ARMC5: variants seen among roughly 807,000 people sequenced by gnomAD.
The protein encoded by ARMC5 is armadillo repeat-containing protein 5.
Under a neutral mutation model 60.5 loss-of-function variants are expected in ARMC5, and 28 were observed. That is an observed-to-expected ratio of 0.46 (90% confidence interval 0.34 to 0.63). The LOEUF (loss-of-function observed/expected upper bound fraction) is 0.63, where lower values mean the gene tolerates loss of function less well. Among genes scored for constraint, ARMC5 ranks in the 30% least tolerant of loss-of-function variants. The pLI is 0.01. For missense variants in ARMC5, 1,189 were observed against 1,304.9 expected, an observed-to-expected ratio of 0.91 and a Z score of 1.37; for synonymous variants, 680 against 607.3, an observed-to-expected ratio of 1.12 and a Z score of -1.76.
rs1436881568 is a variant in ARMC5 at position 31,466,406 on chromosome 16, G to A, written c.2325G>A (p.Arg775=). The change falls in exon 6 of 6, where the codon CGG becomes CGA. Residue 775 remains arginine, a synonymous_variant. Coordinates refer to ENST00000268314, the MANE Select transcript of ARMC5 (RefSeq NM_001105247.2). The surrounding 1 kb of genome is among the most constrained non-coding windows in gnomAD (Gnocchi z 8.0). The part of the protein sequence containing the change: ...AASATASPFF[R]ALLSGSFAEA... ...CAGCCACCGCCTCCCCTTTCTTCCGGGCCCTGCTGTCAGGCAGCTTTGCAG... is the reference window on the plus strand; with the variant it reads ...CAGCCACCGCCTCCCCTTTCTTCCGAGCCCTGCTGTCAGGCAGCTTTGCAG... 1 of 1,612,266 alleles carries A rather than the reference G, an allele frequency of 6.2e-7. No homozygotes were observed. The highest frequency in any genetic ancestry group is 1.7e-5 in the Admixed American group (1 of 60,004).
In ARMC5 at chr16:31,466,622, G is replaced by A. The variant is rs1173957569; in HGVS notation, c.2541G>A (p.Leu847=). 1 of 1,601,960 alleles carries A rather than the reference G, an allele frequency of 6.2e-7. No individual in the cohort carries two copies. The highest frequency in any genetic ancestry group is 1.1e-5 in the South Asian group (1 of 89,598). ...EAAGRFLLPG[L]EEELEEAVGR... is the part of the protein sequence containing the mutation. ...CTGGCCGTTTCCTACTGCCTGGGCT[G>A]GAGGAGGAGCTGGAAGAGGCCGTGG... Residue 847 remains leucine, a synonymous_variant, in exon 6 of 6, where the codon CTG becomes CTA. Coordinates refer to ENST00000268314, the MANE Select transcript of ARMC5 (RefSeq NM_001105247.2). The surrounding 1 kb of genome is among the most constrained non-coding windows in gnomAD (Gnocchi z 8.0).
upstream of ARMC5, chr16:31,458,737 G>T: frequency 6.8e-7 from 1 of 1,475,018 alleles, no homozygotes; most frequent in Non-Finnish European, 9.0e-7. Context: ...GGGTGACCTG[G>T]GGGCTCCCCG....
At position 31,459,963 on chromosome 16, in the gene ARMC5, A is replaced by G. The variant is rs374754128; in HGVS notation, c.439A>G (p.Thr147Ala). ...TTGCTGTACGGAAGGGGCGTGCCGG[A>G]CCGAAGTGCGCAGACTCGGAGGCAT... ...ADCCTEGACR[T>A]EVRRLGGILP... is the part of the protein sequence containing the mutation. Residue 147 changes from threonine to alanine, a missense_variant, in exon 1 of 6, where the codon ACC (threonine) becomes GCC (alanine). By Grantham distance (58) the Thr-to-Ala change is moderately conservative. This residue lies in a region of ARMC5 where 327 missense variants were observed against 233.7 expected (regional missense o/e 1.40). Transcript: ENST00000268314. 8.7e-5 allele frequency: 140 copies of G among 1,601,708 alleles called. No individual in the cohort carries two copies. Among genetic ancestry groups the G allele is most frequent in the Admixed American group, 3.3e-4 (20 of 59,884 alleles).
chr16:31,462,307 CT>C lies in ARMC5; in HGVS notation c.761del (p.Leu254ArgfsTer3). The C allele has an allele frequency of 6.2e-7, 1 of 1,610,526 alleles. No individual in the cohort carries two copies. Among genetic ancestry groups the C allele is most frequent in the Non-Finnish European group, 8.5e-7 (1 of 1,179,956 alleles). The part of the protein sequence containing the change: ...ELLATAPDAA[L>X]TLALVRALLE... ...CCTGGCCACTGCCCCAGATGCTGCA[CT>C]GACCTTAGCCCTCGTCCGTGCCCTC... On this transcript the variant is annotated frameshift_variant, in exon 3 of 6. Transcript: ENST00000268314. LOFTEE classifies it high-confidence loss of function. This position sits in a 1 kb window ranked among gnomAD's most constrained non-coding sequence, Gnocchi z 7.2.
At position 31,462,578 on chromosome 16, in the gene ARMC5, C is replaced by G; in HGVS notation, c.1031C>G (p.Ser344Cys). ...RRDPNGASPTSQQPLVRAVCL... is the reference protein window; with the variant it reads ...RRDPNGASPTCQQPLVRAVCL... ...GATCCTAATGGAGCTAGCCCAACCT[C>G]CCAGCAGCCCCTGGTGCGGGCTGTG... Residue 344 changes from serine to cysteine, a missense_variant, in exon 3 of 6, where the codon TCC becomes TGC. By Grantham distance (112) the Ser-to-Cys change is moderately radical (BLOSUM62 -1). Coordinates refer to ENST00000268314, the MANE Select transcript of ARMC5 (RefSeq NM_001105247.2). The surrounding 1 kb of genome is among the most constrained non-coding windows in gnomAD (Gnocchi z 7.2). 6.2e-7 allele frequency: 1 copy of G among 1,612,462 alleles called. No homozygotes were observed. Among genetic ancestry groups the G allele is most frequent in the Non-Finnish European group, 8.5e-7 (1 of 1,179,950 alleles).
At position 31,464,601 on chromosome 16, in the gene ARMC5, G is replaced by A. The variant is rs1176195880; in HGVS notation, c.1578G>A (p.Leu526=). 6.3e-7 allele frequency: 1 copy of A among 1,589,470 alleles called. No individual in the cohort carries two copies. ...EEPWGREGPA[L]LLLSRFSQAP... ...CTTGGGGACGCGAAGGGCCAGCCCT[G>A]CTGCTGCTGTCGCGCTTTTCCCAGG... Residue 526 remains leucine, a synonymous_variant, in exon 4 of 6, where the codon CTG becomes CTA. Coordinates refer to ENST00000268314, the MANE Select transcript of ARMC5 (RefSeq NM_001105247.2). This position sits in a 1 kb window ranked among gnomAD's most constrained non-coding sequence, Gnocchi z 7.6.
In ARMC5 at chr16:31,466,041, C is replaced by G; in HGVS notation, c.1998-38C>G. 6 of 1,591,934 alleles carry G rather than the reference C, an allele frequency of 3.8e-6. No individual in the cohort carries two copies. The highest frequency in any genetic ancestry group is 5.1e-6 in the Non-Finnish European group (6 of 1,175,276). ...GGAGGAGTGCTGTGTTTCCCAGGCC[C>G]GTTGCCCACCTTTTGAAAGGCCCTC... On this transcript the variant is annotated intron_variant, in intron 5 of 5. Coordinates refer to ENST00000268314, the MANE Select transcript of ARMC5 (RefSeq NM_001105247.2). The surrounding 1 kb of genome is among the most constrained non-coding windows in gnomAD (Gnocchi z 8.0).
chr16:31,460,093 C>G, intron 1 of ARMC5, 94 bp downstream of exon 1: 2 of 1,338,450 alleles, frequency 1.5e-6, no homozygotes, highest in Non-Finnish European at 2.1e-6. Context: ...TGTCCTATCC[C>G]GGAATAACGT....
At position 31,466,394 on chromosome 16, in the gene ARMC5, C is replaced by A. The variant is rs749612468; in HGVS notation, c.2313C>A (p.Ser771=). Residue 771 remains serine (S), a synonymous_variant, in exon 6 of 6, where the codon TCC becomes TCA. Transcript: ENST00000268314. This position sits in a 1 kb window ranked among gnomAD's most constrained non-coding sequence, Gnocchi z 8.0. ...PAQRAASATA[S]PFFRALLSGS... ...AGCGAGCGGCCTCAGCCACCGCCTCCCCTTTCTTCCGGGCCCTGCTGTCAG... is the reference window on the plus strand; with the variant it reads ...AGCGAGCGGCCTCAGCCACCGCCTCACCTTTCTTCCGGGCCCTGCTGTCAG... The A allele has an allele frequency of 3.1e-6, 5 of 1,612,586 alleles. No homozygotes were observed. The highest frequency in any genetic ancestry group is 2.5e-6 in the Non-Finnish European group (3 of 1,179,860).
chr16:31,458,662 C>T (rs907638473), upstream of ARMC5: 6 of 1,441,758 alleles, frequency 4.2e-6, no homozygotes, highest in African/African-American at 1.4e-5. Context: ...GACCATTTTC[C>T]GGGCGGGCAG....
chr16:31,464,336 A>G lies in ARMC5; in HGVS notation c.1371-58A>G. On this transcript the variant is annotated intron_variant, in intron 3 of 5. Transcript: ENST00000268314. This position sits in a 1 kb window ranked among gnomAD's most constrained non-coding sequence, Gnocchi z 7.6. ...AAAAAAGACGCCTCACGCCTCTTGG[A>G]CTCTGCCCCTTAACCTTGGCTCTGG... The G allele has an allele frequency of 8.4e-7, 1 of 1,189,764 alleles. No homozygotes were observed. 73.7% of individuals were successfully genotyped at this position (1,189,764 alleles called of 1,614,324 possible). A position where few individuals can be genotyped will look rare whatever the true frequency, so the allele number is the denominator to read the frequency against.
chr16:31,464,993 C>A lies in ARMC5; in HGVS notation c.1864+106C>A. ...CACCTTCCCACTCACCTGTCCTCCC[C>A]AGCCCGTCCTCCAGACAACCTGTCA... On this transcript the variant is annotated intron_variant, in intron 4 of 5. Transcript: ENST00000268314. This position sits in a 1 kb window ranked among gnomAD's most constrained non-coding sequence, Gnocchi z 7.6. The A allele has an allele frequency of 6.2e-7, 1 of 1,611,102 alleles. No homozygotes were observed. The highest frequency in any genetic ancestry group is 1.3e-5 in the African/African-American group (1 of 74,976).
chr16:31,459,840 G>A lies in ARMC5; in HGVS notation c.316G>A (p.Ala106Thr). Residue 106 changes from alanine to threonine, a missense_variant, in exon 1 of 6, where the codon GCG becomes ACG. Physicochemically the swap from Ala to Thr is moderately conservative, Grantham distance 58. Around this residue, in one of 2 missense-constraint regions of ARMC5, gnomAD observed 327 missense variants for 233.7 expected, o/e 1.40. Transcript: ENST00000268314. ...GTCGGGAGCTTCTAGCCCCGCCCCC[G>A]CGTCGGGCCCCGCCCCCTCCGCTGT... is the stretch of plus-strand genomic sequence containing the variant. ...AASGASSPAP[A>T]SGPAPSAVSS... 7 of 1,573,464 alleles carry A rather than the reference G, an allele frequency of 4.4e-6. No individual in the cohort carries two copies. The highest frequency in any genetic ancestry group is 2.0e-4 in the Middle Eastern group (1 of 4,996).
Position 31,464,556 on chromosome 16 carries a change from C to G in ARMC5, c.1533C>G (p.Pro511=). 6.3e-7 allele frequency: 1 copy of G among 1,584,072 alleles called. No homozygotes were observed. The highest frequency in any genetic ancestry group is 1.3e-5 in the African/African-American group (1 of 74,512). The change falls in exon 4 of 6, where the codon CCC becomes CCG. Residue 511 remains proline, a synonymous_variant. Coordinates refer to ENST00000268314, the MANE Select transcript of ARMC5 (RefSeq NM_001105247.2). This position sits in a 1 kb window ranked among gnomAD's most constrained non-coding sequence, Gnocchi z 7.6. The part of the protein sequence containing the change: ...PRTQRTPGRS[P]AAAIEEPWGR... Reference sequence around the variant, plus strand: ...CCCAACGCACTCCGGGCCGCAGCCCCGCCGCCGCCATCGAGGAGCCTTGGG... The same window carrying G: ...CCCAACGCACTCCGGGCCGCAGCCCGGCCGCCGCCATCGAGGAGCCTTGGG...
chr16:31,460,967 A>C (rs2082299195), intron 1 of ARMC5, among the ~76,000 whole-genome samples: 1 of 152,220 alleles, frequency 6.6e-6, no homozygotes, highest in South Asian at 2.1e-4. Flanking sequence ...GGATAAAGGG[A>C]AGCATTAATA....
chr16:31,459,353 C>T (rs762203265), upstream of ARMC5: 7 of 1,536,030 alleles, frequency 4.6e-6, no homozygotes, highest in South Asian at 7.2e-5. Flanking sequence ...ACTGCCGCGC[C>T]TCGTGTGCAA....
At chr16:31,465,351 G>C in intron 4 of ARMC5, 1 of 1,390,220 alleles carries the variant, frequency 7.2e-7, no homozygotes. Flanking sequence ...GCCCTGTCCG[G>C]GCATAACAGA....
rs758683113 is a variant in ARMC5, at chr16:31,466,644, G to A, written c.2563G>A (p.Val855Met). 24 of 1,591,516 alleles carry A rather than the reference G, an allele frequency of 1.5e-5. No homozygotes were observed. Among genetic ancestry groups the A allele is most frequent in the East Asian group, 6.8e-5 (3 of 43,800 alleles). ...GCTGGAGGAGGAGCTGGAAGAGGCCGTGGGCCGCATCCACCTGGGACCCCA... is the reference window on the plus strand; with the variant it reads ...GCTGGAGGAGGAGCTGGAAGAGGCCATGGGCCGCATCCACCTGGGACCCCA... The part of the protein sequence containing the change: ...PGLEEELEEA[V>M]GRIHLGPQGG... The change falls in exon 6 of 6, where the codon GTG (valine) becomes ATG (methionine). Residue 855 changes from valine to methionine, a missense_variant. Physicochemically the swap from Val to Met is conservative, Grantham distance 21. Around this residue, in one of 2 missense-constraint regions of ARMC5, gnomAD observed 862 missense variants for 1,071.2 expected, o/e 0.80. Coordinates refer to ENST00000268314, the MANE Select transcript of ARMC5 (RefSeq NM_001105247.2). The surrounding 1 kb of genome is among the most constrained non-coding windows in gnomAD (Gnocchi z 8.0).
upstream of ARMC5, chr16:31,459,441 G>A (rs2082278265): frequency 1.3e-6 from 2 of 1,543,984 alleles, no homozygotes; most frequent in East Asian, 4.8e-5. Flanking sequence ...CAGCGAGGCG[G>A]TGCCCGACGA....
Sources: gnomAD v4.1 joint callset for allele counts (sites outside exome capture counted in the v4.1 genomes callset) on GRCh38, gnomAD v4.1.1 for gene constraint, gnomAD v4.1.1 regional missense constraint, Gnocchi (gnomAD v3.1) non-coding constraint, MANE v1.5 for transcripts, NCBI Gene and HGNC (gene_info 2026-07-23, HGNC 2026-07-21) for gene names.